ARID4A: variants seen among roughly 807,000 people sequenced by gnomAD.
ARID4A encodes AT-rich interactive domain-containing protein 4A.
ARID4A carries 39 observed loss-of-function variants against 148.6 expected under a neutral mutation model. The observed-to-expected ratio is 0.26, with a 90% CI of 0.20 to 0.34. ARID4A has a LOEUF of 0.34. ARID4A is among the 10% of genes least tolerant of loss of function. ARID4A has a pLI of 1.00. For synonymous variants in ARID4A, 475 were observed against 481.2 expected (o/e 0.99, Z 0.17); for missense variants, 1,265 against 1,449.1 (o/e 0.87, Z 2.06).
intron 11 of ARID4A, among the ~76,000 whole-genome samples, chr14:58,338,656 C>T (rs1192520955): frequency 6.6e-6 from 1 of 151,740 alleles, no homozygotes; most frequent in Non-Finnish European, 1.5e-5. Flanking sequence ...AGAAGGGTAG[C>T]CCATGAAGAG....
intron 9 of ARID4A, 92 bp downstream of exon 9, chr14:58,328,408 T>A: frequency 1.2e-6 from 1 of 839,460 alleles, no homozygotes; most frequent in Non-Finnish European, 1.9e-6. Context: ...ACTTTATTTT[T>A]AAAAGTCTAA....
At chr14:58,328,375 T>C in intron 9 of ARID4A, 59 bp downstream of exon 9, 1 of 1,126,112 alleles carries the variant, frequency 8.9e-7, no homozygotes, top group South Asian at 1.3e-5. Context: ...AGAATTACAA[T>C]GATAGACACC....
intron 17 of ARID4A, among the ~76,000 whole-genome samples, chr14:58,355,293 A>G (rs1215438887): frequency 2.0e-5 from 3 of 152,312 alleles, no homozygotes; most frequent in Admixed American, 6.5e-5. Flanking sequence ...GAGGTGTTGT[A>G]TAATGCAGTA....
At chr14:58,304,900 G>A in intron 3 of ARID4A, 44 bp from the exon 4 acceptor site, 1 of 1,474,218 alleles carries the variant, frequency 6.8e-7, no homozygotes, top group South Asian at 1.2e-5. Context: ...AAATGTATTT[G>A]TTTTAAAAGT....
intron 3 of ARID4A, among the ~76,000 whole-genome samples, chr14:58,304,652 T>G (rs370875699): frequency 4.1e-5 from 6 of 147,818 alleles, no homozygotes; most frequent in Admixed American, 1.3e-4. Context: ...ATAAAGGCAG[T>G]TTTTTTTTAC....
At position 58,372,447 on chromosome 14, in the gene ARID4A, T is replaced by G. The variant is rs1417911794; in HGVS notation, c.*458T>G. The G allele has an allele frequency of 1.3e-5, 3 of 228,014 alleles. No homozygotes were observed. The East Asian group carries it at 1.9e-4, about 15-fold the overall frequency. 14.1% of individuals were successfully genotyped at this position (228,014 alleles called of 1,614,324 possible). A position where few individuals can be genotyped will look rare whatever the true frequency, so the allele number is the denominator to read the frequency against. On this transcript the variant is annotated 3_prime_UTR_variant, in exon 24 of 24. Transcript: ENST00000355431. Reference sequence around the variant, plus strand: ...TATGTTGTGTTTTTTTTCATTATCGTTTTTTTTATTTTTGTGGAAGCACTT... The same window carrying G: ...TATGTTGTGTTTTTTTTCATTATCGGTTTTTTTATTTTTGTGGAAGCACTT...
At chr14:58,360,868 G>A in intron 18 of ARID4A, 33 bp from the exon 19 acceptor site, 2 of 1,603,626 alleles carry the variant, frequency 1.2e-6, no homozygotes, top group Non-Finnish European at 1.7e-6. Context: ...TAAAGCATTG[G>A]CCCTTCTCAT....
chr14:58,355,088 C>T (rs989316176), intron 17 of ARID4A, among the ~76,000 whole-genome samples: 1 of 152,174 alleles, frequency 6.6e-6, no homozygotes, highest in African/African-American at 2.4e-5. Flanking sequence ...CTGATAGTGC[C>T]AGGCAAGTTC....
intron 14 of ARID4A, 107 bp from the exon 15 acceptor site, chr14:58,347,540 T>C (rs1407779558): frequency 1.2e-6 from 1 of 857,154 alleles, no homozygotes; most frequent in South Asian, 2.6e-5. Context: ...GTAACAAAAA[T>C]TTTTTTAAAT....
At chr14:58,344,456 A>T (rs1190875421) in intron 11 of ARID4A, among the ~76,000 whole-genome samples, 1 of 152,182 alleles carries the variant, frequency 6.6e-6, no homozygotes, top group Admixed American at 6.5e-5. Context: ...CTCTTGGCTA[A>T]TCTTAGTCCT....
chr14:58,312,341 C>T (rs1174655862), intron 5 of ARID4A, among the ~76,000 whole-genome samples: 1 of 151,870 alleles, frequency 6.6e-6, no homozygotes, highest in Non-Finnish European at 1.5e-5. Context: ...CTCAGTTTCC[C>T]AAGTAGCTGG....
chr14:58,310,872 C>T (rs1746424771), intron 5 of ARID4A, among the ~76,000 whole-genome samples: 1 of 152,030 alleles, frequency 6.6e-6, no homozygotes, highest in South Asian at 2.1e-4. Context: ...TTTGCAAACT[C>T]TGTATTTAAT....
At chr14:58,311,911 G>T (rs61974488) in intron 5 of ARID4A, among the ~76,000 whole-genome samples, 10,741 of 150,236 alleles carry the variant, frequency 0.071, 540 homozygotes, top group Non-Finnish European at 0.11. Context: ...GTTATCAGGG[G>T]TGGGGGCAGC....
intron 17 of ARID4A, 77 bp from the exon 18 acceptor site, chr14:58,359,055 G>A (rs892607870): frequency 2.9e-5 from 41 of 1,422,114 alleles, no homozygotes; most frequent in Non-Finnish European, 3.7e-5. Flanking sequence ...TGTTGTTTTC[G>A]TTTGGTGAAT....
rs1386824709 is a variant in ARID4A at position 58,371,866 on chromosome 14, T to G, written c.3671-20T>G. On this transcript the variant is annotated intron_variant, in intron 23 of 23. Transcript: ENST00000355431. ...TGTGTAACAGTTTTTGGATCTAACA[T>G]AGTTGTTTTGATTCCACAGTGTCTC... 6.3e-7 allele frequency: 1 copy of G among 1,582,906 alleles called. No individual in the cohort carries two copies. The highest frequency in any genetic ancestry group is 1.3e-5 in the African/African-American group (1 of 74,376).
Position 58,366,237 on chromosome 14 carries a change from A to C in ARID4A, c.3523+7A>C. 6.2e-7 allele frequency: 1 copy of C among 1,603,778 alleles called. No individual in the cohort carries two copies. Among genetic ancestry groups the C allele is most frequent in the Non-Finnish European group, 8.5e-7 (1 of 1,171,782 alleles). ...AAATGGAGCTTTCAGCTCAGTAAGA[A>C]GCTTATAGAAAACTTGATAGATGAA... is the stretch of plus-strand genomic sequence containing the variant. On this transcript the variant is annotated splice_region_variant and intron_variant, in intron 22 of 23. Coordinates refer to ENST00000355431, the MANE Select transcript of ARID4A (RefSeq NM_002892.4).
intron 4 of ARID4A, 103 bp downstream of exon 4, chr14:58,305,112 A>G (rs2031499738): frequency 1.1e-6 from 1 of 939,946 alleles, no homozygotes; most frequent in Non-Finnish European, 1.6e-6. Flanking sequence ...GAGAACGTTA[A>G]TCAGAAAACA....
chr14:58,313,936 G>A (rs1877949204), intron 5 of ARID4A, among the ~76,000 whole-genome samples: 1 of 149,954 alleles, frequency 6.7e-6, no homozygotes, highest in African/African-American at 2.5e-5. Flanking sequence ...TTCCCCACCT[G>A]GTTCACTGGC....
intron 3 of ARID4A, 51 bp downstream of exon 3, chr14:58,301,741 T>C (rs758381535): frequency 7.1e-7 from 1 of 1,415,236 alleles, no homozygotes; most frequent in South Asian, 1.2e-5. Context: ...TTGAAGAAAT[T>C]TGGGGAGAGA....
Sources: allele counts gnomAD v4.1 joint callset (sites outside exome capture counted in the v4.1 genomes callset), GRCh38; gene constraint gnomAD v4.1.1; transcripts MANE v1.5; gene names NCBI Gene and HGNC (gene_info 2026-07-23, HGNC 2026-07-21).